Variants in PTPRT observed in about 807,000 individuals in gnomAD.
The protein encoded by PTPRT is protein tyrosine phosphatase receptor type T.
PTPRT carries 56 observed loss-of-function variants against 176.8 expected under a neutral mutation model. That is an observed-to-expected ratio of 0.32 (90% confidence interval 0.26 to 0.40). The LOEUF (loss-of-function observed/expected upper bound fraction) is 0.40. PTPRT is among the 10% of genes least tolerant of loss of function. The probability of loss-of-function intolerance (pLI) is 1.00; values close to 1 mark genes in which losing one functional copy is unlikely to be tolerated. For missense variants in PTPRT, 1,540 were observed against 1,908.2 expected, an observed-to-expected ratio of 0.81 and a Z score of 3.60; for synonymous variants, 783 against 739.0, an observed-to-expected ratio of 1.06 and a Z score of -0.96.
At position 42,560,649 on chromosome 20, in the gene PTPRT, G is replaced by A. The variant is rs573884887; in HGVS notation, c.1154-88087C>T. Among the ~76,000 whole-genome samples the A allele has an allele frequency of 3.1e-3, 465 of 152,248 alleles. 19 individuals are homozygous for A. In the South Asian group the frequency reaches 0.092, roughly 30 times the overall value. ...CACAATGCTCTCTGCAAGTAGCTGG[G>A]ACCCCAAGGTAAGTGAATACTAGTA... is the stretch of plus-strand genomic sequence containing the variant. On this transcript the variant is annotated intron_variant, in intron 7 of 30. Transcript: ENST00000373187.
chr20:42,106,553 C>G (rs541760996), intron 24 of PTPRT, among the ~76,000 whole-genome samples: 1 of 152,164 alleles, frequency 6.6e-6, no homozygotes, highest in African/African-American at 2.4e-5. Context: ...GAACTCACCA[C>G]CATTCTTCAT....
rs2014977764 is a variant in PTPRT, at chr20:43,170,762, T to C, written c.88+18884A>G. ...TGCCCAAGGATGCAGACTCAGTAAG[T>C]GGCAAGAGCTGGGATTTTAATTCAG... On this transcript the variant is annotated intron_variant, in intron 1 of 30. Coordinates refer to ENST00000373187, the MANE Select transcript of PTPRT (RefSeq NM_007050.6). 2.0e-5 allele frequency among the ~76,000 whole-genome samples: 3 copies of C among 152,196 alleles called. No homozygotes were observed. In the South Asian group the frequency reaches 6.2e-4, roughly 32 times the overall value.
Position 42,118,398 on chromosome 20 carries a change from C to A in PTPRT, c.2982+5G>T. ...TCTGCCCAGGCGAGTGCAGGAGAGG[C>A]TTACCCTGCCCACTTCCACCAGGTT... On this transcript the variant is annotated splice_donor_5th_base_variant and intron_variant, in intron 21 of 30. Coordinates refer to ENST00000373187, the MANE Select transcript of PTPRT (RefSeq NM_007050.6). 6.2e-7 allele frequency: 1 copy of A among 1,608,660 alleles called. No individual in the cohort carries two copies. The highest frequency in any genetic ancestry group is 1.1e-5 in the South Asian group (1 of 90,080).
At chr20:42,109,850 A>C (rs1277771930) in intron 23 of PTPRT, among the ~76,000 whole-genome samples, 1 of 152,170 alleles carries the variant, frequency 6.6e-6, no homozygotes, top group African/African-American at 2.4e-5. Flanking sequence ...CACTGTTTTC[A>C]GGCAACAACA....
intron 9 of PTPRT, among the ~76,000 whole-genome samples, chr20:42,406,787 A>T (rs898340687): frequency 6.6e-6 from 1 of 152,230 alleles, no homozygotes; most frequent in African/African-American, 2.4e-5. Context: ...ACCATGACTA[A>T]GCAAGGATTA....
At chr20:42,325,002 T>G (rs1193112876) in intron 11 of PTPRT, among the ~76,000 whole-genome samples, 1 of 152,192 alleles carries the variant, frequency 6.6e-6, no homozygotes, top group African/African-American at 2.4e-5. Context: ...CAGACATTTA[T>G]TGGGTGATGA....
At chr20:42,869,665 T>C (rs1041860857) in intron 2 of PTPRT, among the ~76,000 whole-genome samples, 1 of 152,226 alleles carries the variant, frequency 6.6e-6, no homozygotes, top group Admixed American at 6.5e-5. Flanking sequence ...ACTTTGGACT[T>C]ACACTTTAAA....
chr20:42,298,850 G>C (rs1438142275), intron 12 of PTPRT, among the ~76,000 whole-genome samples: 1 of 152,112 alleles, frequency 6.6e-6, no homozygotes, highest in Non-Finnish European at 1.5e-5. Flanking sequence ...GAACCCAGGA[G>C]GGGGAGGTTG....
At chr20:42,976,655 C>T (rs2146077568) in intron 1 of PTPRT, among the ~76,000 whole-genome samples, 1 of 152,228 alleles carries the variant, frequency 6.6e-6, no homozygotes, top group Non-Finnish European at 1.5e-5. Context: ...GATCTGCCTG[C>T]CTTGGCCTCC....
chr20:42,309,946 T>C (rs964272329), intron 12 of PTPRT, among the ~76,000 whole-genome samples: 4 of 152,116 alleles, frequency 2.6e-5, no homozygotes, highest in South Asian at 4.1e-4. Context: ...TGGGTTAACA[T>C]ATGAGTGAGT....
chr20:42,108,969 A>G (rs1440644845), intron 23 of PTPRT, among the ~76,000 whole-genome samples: 1 of 152,192 alleles, frequency 6.6e-6, no homozygotes, highest in Non-Finnish European at 1.5e-5. Flanking sequence ...CTAACCCTTG[A>G]TCTGGGTGCT....
intron 7 of PTPRT, among the ~76,000 whole-genome samples, chr20:42,562,411 T>C (rs1460661141): frequency 6.6e-6 from 1 of 152,222 alleles, no homozygotes; most frequent in African/African-American, 2.4e-5. Context: ...TGAGGTTAAT[T>C]CACATTATGG....
chr20:42,086,720 C>T (rs1246855273), intron 27 of PTPRT, among the ~76,000 whole-genome samples: 2 of 50,442 alleles, frequency 4.0e-5, no homozygotes, highest in African/African-American at 2.0e-4. Context: ...CAGCGAGACT[C>T]CATCTCAAAA....
chr20:42,995,135 A>G (rs924464468), intron 1 of PTPRT, among the ~76,000 whole-genome samples: 30 of 152,208 alleles, frequency 2.0e-4, no homozygotes, highest in African/African-American at 6.3e-4. Context: ...CGTATTGGTT[A>G]TCTACTACTG....
rs552144528 is a variant in PTPRT at position 42,513,712 on chromosome 20, A to G, written c.1154-41150T>C. On this transcript the variant is annotated intron_variant, in intron 7 of 30. Coordinates refer to ENST00000373187, the MANE Select transcript of PTPRT (RefSeq NM_007050.6). ...AGCAGTTTGAGAAACAACATTATCC[A>G]TATCTCTGAATTCCACTTTGCTGCA... 3.3e-5 allele frequency among the ~76,000 whole-genome samples: 5 copies of G among 152,292 alleles called. No individual in the cohort carries two copies. The South Asian group carries it at 1.0e-3, about 32-fold the overall frequency.
the PTPRT span, among the ~76,000 whole-genome samples, chr20:42,045,596 T>C: frequency 0.018 from 2,761 of 151,998 alleles, 77 homozygotes; most frequent in African/African-American, 0.062. Flanking sequence ...CTGCTTCAGT[T>C]GGTTAGTATT....
intron 27 of PTPRT, among the ~76,000 whole-genome samples, chr20:42,087,665 G>A (rs1228382945): frequency 6.6e-6 from 1 of 150,976 alleles, no homozygotes; most frequent in Non-Finnish European, 1.5e-5. Flanking sequence ...CGTGAGGTCA[G>A]GAGTTCGAGA....
chr20:42,643,015 G>C (rs1018495826), intron 7 of PTPRT, among the ~76,000 whole-genome samples: 1 of 152,124 alleles, frequency 6.6e-6, no homozygotes, highest in African/African-American at 2.4e-5. Context: ...CCAAGGCCAG[G>C]CTAGCTTATT....
chr20:42,628,161 A>G (rs2074330873), intron 7 of PTPRT, among the ~76,000 whole-genome samples: 1 of 152,126 alleles, frequency 6.6e-6, no homozygotes, highest in South Asian at 2.1e-4. Flanking sequence ...CTGGGCCTCC[A>G]CTTCCGTGGG....
Sources: allele counts gnomAD v4.1 joint callset (sites outside exome capture counted in the v4.1 genomes callset), GRCh38; gene constraint gnomAD v4.1.1; transcripts MANE v1.5; gene names NCBI Gene and HGNC (gene_info 2026-07-23, HGNC 2026-07-21).